The following SLC35F3 variants were observed in gnomAD, a reference collection of about 807,000 sequenced individuals.
SLC35F3 encodes the protein solute carrier family 35 member F3.
In SLC35F3, 25 loss-of-function variants were observed where a neutral mutation model predicts 49.9. The observed-to-expected ratio is 0.50, with a 90% confidence interval of 0.37 to 0.70. SLC35F3 has a LOEUF of 0.70. Ranked by LOEUF, SLC35F3 falls within the 30% of genes least tolerant of loss-of-function variation. The pLI is 0.00. For synonymous variants in SLC35F3, 275 were observed against 265.4 expected, an observed-to-expected ratio of 1.04 and a Z score of -0.35; for missense variants, 525 against 639.8, an observed-to-expected ratio of 0.82 and a Z score of 1.94.
chr1:234,140,002 A>AATAAAAAAAAAAAT, intron 2 of SLC35F3, among the ~76,000 whole-genome samples: 14 of 105,466 alleles, frequency 1.3e-4, no homozygotes, highest in Non-Finnish European at 2.1e-4. Flanking sequence ...AATAAAATAA[A>AATAAAAAAAAAAAT]GTAAGTGACT....
intron 3 of SLC35F3, among the ~76,000 whole-genome samples, chr1:234,298,516 G>A (rs1268337503): frequency 6.6e-6 from 1 of 152,206 alleles, no homozygotes; most frequent in African/African-American, 2.4e-5. Context: ...AAGTGCCCTA[G>A]GTGTTAATGG....
chr1:234,064,207 G>A (rs967365300), intron 2 of SLC35F3, among the ~76,000 whole-genome samples: 2 of 152,104 alleles, frequency 1.3e-5, no homozygotes, highest in Non-Finnish European at 2.9e-5. Context: ...ATCTGAGAAA[G>A]GACTGTGTGT....
chr1:234,175,096 G>A lies in SLC35F3; in HGVS notation c.284-56321G>A, dbSNP rs146935687. Reference sequence around the variant, plus strand: ...AGAATTTGCTTAGGCTCAGAAAGACGCATACGGCTTTTGTATCTTGAGTGG... The same window carrying A: ...AGAATTTGCTTAGGCTCAGAAAGACACATACGGCTTTTGTATCTTGAGTGG... On this transcript the variant is annotated intron_variant, in intron 2 of 7. Coordinates refer to ENST00000366618, the MANE Select transcript of SLC35F3 (RefSeq NM_173508.4). Among the ~76,000 whole-genome samples the A allele has an allele frequency of 3.0e-3, 460 of 152,290 alleles. 4 individuals are homozygous for A. Among genetic ancestry groups the A allele is most frequent in the Non-Finnish European group, 3.6e-3 (244 of 68,024 alleles).
At chr1:234,143,287 TC>T (rs1476125851) in intron 2 of SLC35F3, among the ~76,000 whole-genome samples, 2 of 117,800 alleles carry the variant, frequency 1.7e-5, no homozygotes, top group African/African-American at 8.3e-5. Context: ...TCTTTTCTTT[TC>T]TTTTTTTTTT....
chr1:234,065,317 T>A (rs1287140954), intron 2 of SLC35F3, among the ~76,000 whole-genome samples: 1 of 152,148 alleles, frequency 6.6e-6, no homozygotes, highest in African/African-American at 2.4e-5. Flanking sequence ...CGGCTAATTT[T>A]TTGTATTTTT....
chr1:234,035,021 T>C (rs1664120688), intron 2 of SLC35F3, among the ~76,000 whole-genome samples: 1 of 152,198 alleles, frequency 6.6e-6, no homozygotes, highest in South Asian at 2.1e-4. Context: ...TCTTCGTAGG[T>C]AAATCTTTTC....
chr1:234,195,095 AC>A (rs1172309024), intron 2 of SLC35F3, among the ~76,000 whole-genome samples: 1 of 152,212 alleles, frequency 6.6e-6, no homozygotes. Context: ...AAAAAGGGAA[AC>A]CAGTTGCACC....
intron 3 of SLC35F3, among the ~76,000 whole-genome samples, chr1:234,304,452 T>TATATC (rs10634229): frequency 0.78 from 117,664 of 151,600 alleles, 46,382 homozygotes; most frequent in African/African-American, 0.93. Flanking sequence ...AAAATGTAGT[T>TATATC]ATATATTTAA....
At chr1:234,319,705 C>G (rs1190363308) in intron 6 of SLC35F3, among the ~76,000 whole-genome samples, 1 of 142,794 alleles carries the variant, frequency 7.0e-6, no homozygotes, top group African/African-American at 2.8e-5. Context: ...AAGACTGTGC[C>G]TCAAAACAAA....
At chr1:233,922,086 A>G (rs1553286650) in intron 2 of SLC35F3, among the ~76,000 whole-genome samples, 1 of 152,210 alleles carries the variant, frequency 6.6e-6, no homozygotes, top group Non-Finnish European at 1.5e-5. Flanking sequence ...TATTGTGAAT[A>G]GTGCTGCAGT....
intron 2 of SLC35F3, among the ~76,000 whole-genome samples, chr1:234,209,246 T>A (rs1334679612): frequency 6.6e-6 from 1 of 151,758 alleles, no homozygotes. Context: ...TATTAGCACT[T>A]TTTTTTTGGA....
At chr1:234,222,018 T>G (rs909100648) in intron 2 of SLC35F3, among the ~76,000 whole-genome samples, 3 of 152,192 alleles carry the variant, frequency 2.0e-5, no homozygotes, top group Non-Finnish European at 2.9e-5. Context: ...AGCATGTGCA[T>G]GTATGTGAGC....
chr1:234,171,765 A>C (rs1666402518), intron 2 of SLC35F3, among the ~76,000 whole-genome samples: 3 of 152,248 alleles, frequency 2.0e-5, no homozygotes, highest in Admixed American at 6.5e-5. Flanking sequence ...ATATTACTGT[A>C]GAATAACTGT....
intron 2 of SLC35F3, among the ~76,000 whole-genome samples, chr1:234,144,814 A>T (rs1183892755): frequency 1.3e-5 from 2 of 152,156 alleles, no homozygotes; most frequent in Non-Finnish European, 2.9e-5. Flanking sequence ...GGTGATAAGT[A>T]TAAGGATAGA....
intron 2 of SLC35F3, among the ~76,000 whole-genome samples, chr1:233,942,894 C>G (rs1383838126): frequency 6.6e-6 from 1 of 152,214 alleles, no homozygotes; most frequent in Non-Finnish European, 1.5e-5. Flanking sequence ...CACCATTCTA[C>G]TCTCTGCTTC....
chr1:233,969,883 C>T (rs1225023245), intron 2 of SLC35F3, among the ~76,000 whole-genome samples: 2 of 152,154 alleles, frequency 1.3e-5, no homozygotes, highest in Non-Finnish European at 2.9e-5. Context: ...ATCACACCTT[C>T]CCTCCAGGCA....
At chr1:234,200,853 C>A (rs1666891510) in intron 2 of SLC35F3, among the ~76,000 whole-genome samples, 1 of 152,208 alleles carries the variant, frequency 6.6e-6, no homozygotes, top group African/African-American at 2.4e-5. Context: ...GCTGTTTATG[C>A]ACTTCTGGAG....
At chr1:234,001,362 C>A (rs904393885) in intron 2 of SLC35F3, among the ~76,000 whole-genome samples, 2 of 152,126 alleles carry the variant, frequency 1.3e-5, no homozygotes, top group African/African-American at 4.8e-5. Context: ...CTGGAAAATG[C>A]CAGTGAGGCA....
intron 2 of SLC35F3, among the ~76,000 whole-genome samples, chr1:233,959,535 C>CTGTT (rs1353470759): frequency 2.0e-5 from 3 of 152,086 alleles, no homozygotes; most frequent in African/African-American, 7.2e-5. Context: ...AACAGTAGGT[C>CTGTT]ACACCAGGAA....
Sources: gnomAD v4.1 joint callset for allele counts (sites outside exome capture counted in the v4.1 genomes callset) on GRCh38, gnomAD v4.1.1 for gene constraint, MANE v1.5 for transcripts, NCBI Gene and HGNC (gene_info 2026-07-23, HGNC 2026-07-21) for gene names.